The following SESN3 variants were observed in gnomAD, a reference collection of about 807,000 sequenced individuals.
The protein encoded by SESN3 is sestrin-3.
Under a neutral mutation model 55.3 loss-of-function variants are expected in SESN3, and 21 were observed. That is an observed-to-expected ratio of 0.38 (90% confidence interval 0.27 to 0.55). The LOEUF (loss-of-function observed/expected upper bound fraction) is 0.55, where lower values mean the gene tolerates loss of function less well. SESN3 is among the 20% of genes least tolerant of loss of function. The pLI, the probability that SESN3 is intolerant of heterozygous loss-of-function variation, is 0.76. For synonymous variants in SESN3, 181 were observed against 203.1 expected (o/e 0.89, Z 0.93); for missense variants, 408 against 604.3 (o/e 0.68, Z 3.41).
At chr11:95,224,017 CAT>C (rs983141866) in intron 1 of SESN3, among the ~76,000 whole-genome samples, 77 of 152,114 alleles carry the variant, frequency 5.1e-4, no homozygotes, top group African/African-American at 1.8e-3. Context: ...TTTTCCAAAA[CAT>C]AAAAAGTGAG....
At position 95,219,211 on chromosome 11, in the gene SESN3, A is replaced by G. The variant is rs144268796; in HGVS notation, c.78+11572T>C. ...TATTCCACACCCCAACTGAGAATTC[A>G]TTAATTTCAAGTAACGTACAAAACA... On this transcript the variant is annotated intron_variant, in intron 1 of 9. Coordinates refer to ENST00000536441, the MANE Select transcript of SESN3 (RefSeq NM_144665.4). Among the ~76,000 whole-genome samples, 9 of 152,350 alleles carry G rather than the reference A, an allele frequency of 5.9e-5. No individual in the cohort carries two copies. The East Asian group carries it at 1.7e-3, about 29-fold the overall frequency.
In SESN3 at chr11:95,171,634, G is replaced by T. The variant is rs1419388807; in HGVS notation, c.*1621C>A. Reference sequence around the variant, plus strand: ...CAAGTAAGTCTAAAATGAAATATTTGCGGGAACTCTAACAGAAAATTTTAT... The same window carrying T: ...CAAGTAAGTCTAAAATGAAATATTTTCGGGAACTCTAACAGAAAATTTTAT... On this transcript the variant is annotated 3_prime_UTR_variant, in exon 10 of 10. Coordinates refer to ENST00000536441, the MANE Select transcript of SESN3 (RefSeq NM_144665.4). 3 of 152,092 alleles carry T rather than the reference G, an allele frequency of 2.0e-5. No homozygotes were observed. The highest frequency in any genetic ancestry group is 7.2e-5 in the African/African-American group (3 of 41,446). 9.4% of individuals were successfully genotyped at this position (152,092 alleles called of 1,614,324 possible).
In SESN3 at chr11:95,175,415, C is replaced by A; in HGVS notation, c.1392+83G>T. 2.5e-6 allele frequency: 3 copies of A among 1,190,946 alleles called. No homozygotes were observed. In the South Asian group the frequency reaches 5.0e-5, roughly 20 times the overall value. 73.8% of individuals were successfully genotyped at this position (1,190,946 alleles called of 1,614,324 possible). ...TGTCAATGGCTATAATTTATTAATA[C>A]TTTCATGTGTCATTTTTCATAACTA... On this transcript the variant is annotated intron_variant, in intron 9 of 9. Coordinates refer to ENST00000536441, the MANE Select transcript of SESN3 (RefSeq NM_144665.4).
At chr11:95,173,722 C>A (rs1431117612) in intron 9 of SESN3, among the ~76,000 whole-genome samples, 1 of 151,012 alleles carries the variant, frequency 6.6e-6, no homozygotes, top group Admixed American at 6.6e-5. Context: ...TTATGCTTAT[C>A]CTGTGAAAAG....
At chr11:95,204,730 G>C (rs1317131337) in intron 1 of SESN3, 2 of 152,198 alleles carry the variant, frequency 1.3e-5, no homozygotes, top group African/African-American at 2.4e-5. Flanking sequence ...CCCTGATCTA[G>C]GACTTCTCAG....
chr11:95,211,903 A>C (rs34418234), intron 1 of SESN3, among the ~76,000 whole-genome samples: 42,057 of 152,146 alleles, frequency 0.28, 6,239 homozygotes, highest in Admixed American at 0.32. Context: ...GGTTTAGAAA[A>C]CTATCAATTG....
In SESN3 at chr11:95,169,068, CTT is replaced by C. The variant is rs1047944760; in HGVS notation, c.*4185_*4186del. The C allele has an allele frequency of 9.2e-5, 14 of 152,230 alleles. No individual in the cohort carries two copies. Among genetic ancestry groups the C allele is most frequent in the African/African-American group, 3.1e-4 (13 of 41,452 alleles). 9.4% of individuals were successfully genotyped at this position (152,230 alleles called of 1,614,324 possible). On this transcript the variant is annotated 3_prime_UTR_variant, in exon 10 of 10. Transcript: ENST00000536441. ...TGCCTTGACATATACCTCTACCTCTCTTATCCATTTCACCCCAGCTATTTTTG... is the reference window on the plus strand; with the variant it reads ...TGCCTTGACATATACCTCTACCTCTCATCCATTTCACCCCAGCTATTTTTG...
At chr11:95,194,573 TA>T (rs1189298779) in intron 1 of SESN3, among the ~76,000 whole-genome samples, 1 of 152,084 alleles carries the variant, frequency 6.6e-6, no homozygotes, top group Non-Finnish European at 1.5e-5. Context: ...TAAACAATAA[TA>T]CTCTTAACCT....
intron 4 of SESN3, 134 bp from the exon 5 acceptor site, chr11:95,185,626 A>T: frequency 1.6e-6 from 1 of 641,602 alleles, no homozygotes; most frequent in South Asian, 2.0e-5. Flanking sequence ...AAAATGTTTC[A>T]CATGTTAAAG....
chr11:95,230,926 G>T lies in SESN3; in HGVS notation c.-66C>A. On this transcript the variant is annotated 5_prime_UTR_variant, in exon 1 of 10. Transcript: ENST00000536441. The surrounding 1 kb of genome is among the most constrained non-coding windows in gnomAD (Gnocchi z 4.6). The stretch of plus-strand genomic sequence containing the variant: ...GGTCCGGGCTGTCACTGCGGCCACT[G>T]CAGGGCCGGTCCGTCCCCCCGCCGC... 9.2e-7 allele frequency: 1 copy of T among 1,092,254 alleles called. No individual in the cohort carries two copies. Among genetic ancestry groups the T allele is most frequent in the Non-Finnish European group, 1.2e-6 (1 of 812,530 alleles). The allele number at this position is 1,092,254 out of a possible 1,614,324, so 67.7% of individuals were successfully genotyped here.
At chr11:95,227,768 T>C (rs1860974593) in intron 1 of SESN3, among the ~76,000 whole-genome samples, 1 of 152,220 alleles carries the variant, frequency 6.6e-6, no homozygotes, top group Non-Finnish European at 1.5e-5. Context: ...AGTGGACTGA[T>C]AATTACCTAC....
intron 1 of SESN3, among the ~76,000 whole-genome samples, chr11:95,228,050 A>G (rs1428839928): frequency 6.6e-6 from 1 of 152,170 alleles, no homozygotes; most frequent in Non-Finnish European, 1.5e-5. Flanking sequence ...TTACTGTCCT[A>G]AGGTTACCAA....
chr11:95,167,434 C>T lies in SESN3; in HGVS notation c.*5821G>A, dbSNP rs1003859545. The T allele has an allele frequency of 1.3e-5, 2 of 151,716 alleles. No individual in the cohort carries two copies. Among genetic ancestry groups the T allele is most frequent in the African/African-American group, 2.4e-5 (1 of 41,042 alleles). 9.4% of individuals were successfully genotyped at this position (151,716 alleles called of 1,614,324 possible). A position where few individuals can be genotyped will look rare whatever the true frequency, so the allele number is the denominator to read the frequency against. On this transcript the variant is annotated 3_prime_UTR_variant, in exon 10 of 10. Transcript: ENST00000536441. ...CCCTGCACGATCTCAAAGATTTCCA[C>T]AAGCATTCAAAAGAATCAGATATTC... is the stretch of plus-strand genomic sequence containing the variant.
chr11:95,203,288 T>G (rs1860491233), intron 1 of SESN3, among the ~76,000 whole-genome samples: 1 of 152,158 alleles, frequency 6.6e-6, no homozygotes, highest in Admixed American at 6.6e-5. Flanking sequence ...TAAATGCATT[T>G]GATTTCTAGA....
rs1022594837 is a variant in SESN3, at chr11:95,201,478, G to A, written c.79-7956C>T. 3.3e-5 allele frequency: 5 copies of A among 152,086 alleles called. 1 individual carries two copies. The highest frequency in any genetic ancestry group is 1.2e-4 in the African/African-American group (5 of 41,448). The allele number at this position is 152,086 out of a possible 1,614,324, so 9.4% of individuals were successfully genotyped here. On this transcript the variant is annotated intron_variant, in intron 1 of 9. Coordinates refer to ENST00000536441, the MANE Select transcript of SESN3 (RefSeq NM_144665.4). ...TTCCAAATAAGCTTTTGCTTGGCCA[G>A]TAACAAAATCCCTTAATTTTTACTC... is the stretch of plus-strand genomic sequence containing the variant.
chr11:95,200,324 T>C (rs1860438430), intron 1 of SESN3, among the ~76,000 whole-genome samples: 2 of 152,076 alleles, frequency 1.3e-5, no homozygotes, highest in Non-Finnish European at 2.9e-5. Flanking sequence ...ATAAATTCAG[T>C]TCCCACTATC....
intron 1 of SESN3, among the ~76,000 whole-genome samples, chr11:95,225,134 G>A (rs772546308): frequency 6.6e-6 from 1 of 152,158 alleles, no homozygotes; most frequent in Non-Finnish European, 1.5e-5. Flanking sequence ...AGTGATAACG[G>A]TTTGGTGCCA....
At chr11:95,218,518 G>A (rs1860800852) in intron 1 of SESN3, among the ~76,000 whole-genome samples, 1 of 152,072 alleles carries the variant, frequency 6.6e-6, no homozygotes, top group Non-Finnish European at 1.5e-5. Context: ...TCTTGCCTAA[G>A]AATCTGAAGG....
chr11:95,223,914 C>T (rs1368923121), intron 1 of SESN3, among the ~76,000 whole-genome samples: 2 of 152,002 alleles, frequency 1.3e-5, no homozygotes, highest in Non-Finnish European at 2.9e-5. Flanking sequence ...AGAAATTAAA[C>T]CCGAGAAAAC....
Sources: allele counts gnomAD v4.1 joint callset (sites outside exome capture counted in the v4.1 genomes callset), GRCh38; gene constraint gnomAD v4.1.1; non-coding constraint Gnocchi (gnomAD v3.1); transcripts MANE v1.5; gene names NCBI Gene and HGNC (gene_info 2026-07-23, HGNC 2026-07-21).